NTM: variants seen among roughly 807,000 people sequenced by gnomAD.
The protein encoded by NTM is IgLON family member 2.
NTM carries 13 observed loss-of-function variants against 42.1 expected under a neutral mutation model. The observed-to-expected ratio is 0.31, with a 90% CI of 0.20 to 0.49. The LOEUF is 0.49. Ranked by LOEUF, NTM falls within the 20% of genes least tolerant of loss-of-function variation. The pLI is 0.99. For missense variants in NTM, 373 were observed against 452.8 expected, an observed-to-expected ratio of 0.82 and a Z score of 1.60; for synonymous variants, 187 against 179.2, an observed-to-expected ratio of 1.04 and a Z score of -0.35.
chr11:131,665,077 A>G (rs1271175010), intron 1 of NTM, among the ~76,000 whole-genome samples: 1 of 152,110 alleles, frequency 6.6e-6, no homozygotes, highest in Non-Finnish European at 1.5e-5. Flanking sequence ...TGTGTTTGCC[A>G]GTGGCATTCA....
chr11:131,797,217 T>C (rs2091661832), intron 1 of NTM, among the ~76,000 whole-genome samples: 1 of 152,192 alleles, frequency 6.6e-6, no homozygotes. Context: ...CCTTGTGGTT[T>C]TCAAGGGTGA....
intron 2 of NTM, among the ~76,000 whole-genome samples, chr11:131,977,882 C>T (rs550468231): frequency 6.6e-6 from 1 of 152,262 alleles, no homozygotes; most frequent in East Asian, 1.9e-4. Context: ...TATGCAAAAA[C>T]AGCCCAAAAT....
At chr11:131,608,376 A>G (rs1409969933) in intron 1 of NTM, among the ~76,000 whole-genome samples, 2 of 152,250 alleles carry the variant, frequency 1.3e-5, no homozygotes, top group Admixed American at 6.5e-5. Context: ...AGGCTGTCAT[A>G]GAATAGGTGT....
At chr11:131,636,298 T>A (rs781439126) in intron 1 of NTM, among the ~76,000 whole-genome samples, 6 of 152,158 alleles carry the variant, frequency 3.9e-5, no homozygotes, top group Non-Finnish European at 8.8e-5. Context: ...ACAACTGAAG[T>A]AACAGCTTTA....
At chr11:131,874,036 T>TATAATATAATATA (rs2048225038) in intron 1 of NTM, among the ~76,000 whole-genome samples, 1 of 11,000 alleles carries the variant, frequency 9.1e-5, no homozygotes, top group African/African-American at 8.9e-4. Context: ...ATATAATATA[T>TATAATATAATATA]ATATATATAT....
intron 1 of NTM, among the ~76,000 whole-genome samples, chr11:131,602,871 T>A (rs1336410719): frequency 2.6e-5 from 4 of 152,208 alleles, no homozygotes; most frequent in Admixed American, 2.0e-4. Flanking sequence ...AGCTTTTCTT[T>A]CACTTACCAC....
intron 3 of NTM, among the ~76,000 whole-genome samples, chr11:132,183,265 A>G (rs2077855915): frequency 6.6e-6 from 1 of 152,148 alleles, no homozygotes. Context: ...AGGCATGCCC[A>G]CCAACTTGTC....
intron 4 of NTM, among the ~76,000 whole-genome samples, chr11:132,235,874 C>A (rs970569782): frequency 6.6e-6 from 1 of 151,954 alleles, no homozygotes; most frequent in Non-Finnish European, 1.5e-5. Context: ...CTTAGTATAC[C>A]CCCAGGAAGT....
chr11:131,618,066 C>A (rs2062131917), intron 1 of NTM, among the ~76,000 whole-genome samples: 1 of 152,158 alleles, frequency 6.6e-6, no homozygotes, highest in Non-Finnish European at 1.5e-5. Flanking sequence ...AAAAGCAATC[C>A]CAGAAAGGCT....
chr11:132,193,338 A>G (rs1238381905), intron 3 of NTM, among the ~76,000 whole-genome samples: 1 of 152,204 alleles, frequency 6.6e-6, no homozygotes, highest in Non-Finnish European at 1.5e-5. Flanking sequence ...AAAAGAAATT[A>G]TTAACAAGAA....
chr11:132,041,676 C>A (rs1315653546), intron 2 of NTM, among the ~76,000 whole-genome samples: 2 of 152,186 alleles, frequency 1.3e-5, no homozygotes, highest in Admixed American at 1.3e-4. Context: ...AGGATCATGG[C>A]TGATGACAGC....
chr11:131,410,529 A>AC (rs1946279800), intron 1 of NTM, among the ~76,000 whole-genome samples: 1 of 148,500 alleles, frequency 6.7e-6, no homozygotes, highest in Admixed American at 6.7e-5. Flanking sequence ...AAAAAAAAAA[A>AC]AAAAAAAAAA....
At chr11:132,255,723 C>T (rs138054415) in intron 4 of NTM, among the ~76,000 whole-genome samples, 59 of 152,290 alleles carry the variant, frequency 3.9e-4, no homozygotes, top group African/African-American at 1.4e-3. Context: ...CTGCTGCTGA[C>T]TCTTGGCTGG....
chr11:132,185,061 C>T (rs2078184210), intron 3 of NTM, among the ~76,000 whole-genome samples: 1 of 152,184 alleles, frequency 6.6e-6, no homozygotes, highest in Admixed American at 6.5e-5. Flanking sequence ...TATTATCCCA[C>T]TTTCTCTTGA....
intron 2 of NTM, among the ~76,000 whole-genome samples, chr11:131,923,990 C>A (rs991131500): frequency 6.6e-6 from 1 of 152,196 alleles, no homozygotes. Flanking sequence ...GTGAAGTACT[C>A]AGAACAGTGC....
chr11:132,102,327 A>G (rs950809831), intron 2 of NTM, among the ~76,000 whole-genome samples: 3 of 152,200 alleles, frequency 2.0e-5, no homozygotes, highest in East Asian at 3.9e-4. Flanking sequence ...TCTGTCTCCA[A>G]TGCAAGGCAC....
intron 1 of NTM, among the ~76,000 whole-genome samples, chr11:131,494,196 A>G (rs1955094750): frequency 6.6e-6 from 1 of 152,210 alleles, no homozygotes; most frequent in African/African-American, 2.4e-5. Flanking sequence ...TATTTTCATC[A>G]TCAGTTTTCC....
chr11:131,914,050 T>C (rs565089456), intron 2 of NTM, among the ~76,000 whole-genome samples: 28 of 152,330 alleles, frequency 1.8e-4, no homozygotes, highest in African/African-American at 6.7e-4. Context: ...CCTGCTGGGA[T>C]GGACTTTGGT....
intron 1 of NTM, among the ~76,000 whole-genome samples, chr11:131,386,549 G>GTA (rs1229091082): frequency 6.6e-6 from 1 of 152,240 alleles, no homozygotes; most frequent in Non-Finnish European, 1.5e-5. Context: ...AGGTAAATGT[G>GTA]TAAGCTTGGT....
Sources: allele counts gnomAD v4.1 joint callset (sites outside exome capture counted in the v4.1 genomes callset), GRCh38; gene constraint gnomAD v4.1.1; transcripts MANE v1.5; gene names NCBI Gene and HGNC (gene_info 2026-07-23, HGNC 2026-07-21).